RP1: variants seen among roughly 807,000 people sequenced by gnomAD.
RP1 encodes the protein oxygen-regulated protein 1.
In RP1, 16 loss-of-function variants were observed where a neutral mutation model predicts 14.8. The observed-to-expected ratio is 1.08, with a 90% CI of 0.73 to 1.65. The LOEUF (loss-of-function observed/expected upper bound fraction) is 1.65, where lower values mean the gene tolerates loss of function less well. Among genes scored for constraint, RP1 ranks in the 40% most tolerant of loss-of-function variants. The pLI is 0.00. For synonymous variants in RP1, 876 were observed against 883.6 expected (o/e 0.99, Z 0.15); for missense variants, 2,631 against 2,535.0 (o/e 1.04, Z -0.81).
intron 24 of RP1, among the ~76,000 whole-genome samples, chr8:54,828,948 G>A (rs1373205501): frequency 1.6e-5 from 2 of 128,424 alleles, no homozygotes; most frequent in African/African-American, 5.9e-5. Flanking sequence ...CTGGAGTGCA[G>A]TGGTGCGATC....
intron 22 of RP1, among the ~76,000 whole-genome samples, chr8:54,768,358 T>C (rs2129373578): frequency 6.6e-6 from 1 of 152,360 alleles, no homozygotes; most frequent in South Asian, 2.1e-4. Flanking sequence ...TCACCACACT[T>C]TGTTACATTT....
At chr8:54,866,643 T>C (rs1014423644) in intron 28 of RP1, among the ~76,000 whole-genome samples, 7 of 152,176 alleles carry the variant, frequency 4.6e-5, no homozygotes, top group African/African-American at 1.7e-4. Flanking sequence ...ATCCATTTGA[T>C]CAGTCATTAT....
At chr8:54,732,769 A>G (rs986098038) in intron 17 of RP1, among the ~76,000 whole-genome samples, 2 of 152,168 alleles carry the variant, frequency 1.3e-5, no homozygotes, top group African/African-American at 4.8e-5. Context: ...GTTCACATGT[A>G]ACACTGAGTT....
chr8:54,652,049 A>G (rs433324), intron 4 of RP1, among the ~76,000 whole-genome samples: 88,812 of 150,498 alleles, frequency 0.59, 27,349 homozygotes, highest in Middle Eastern at 0.77. Context: ...TCTCTCTCGC[A>G]CAGGCTGGAG....
At chr8:54,730,248 TTCTTAGTATATTCTCATTTCC>T (rs1429931218) in intron 17 of RP1, among the ~76,000 whole-genome samples, 1 of 152,128 alleles carries the variant, frequency 6.6e-6, no homozygotes, top group Non-Finnish European at 1.5e-5. Context: ...TTGTTGTTTT[TTCTTAGTATATTCTCATTTCC>T]TCTTAGTATA....
intron 6 of RP1, among the ~76,000 whole-genome samples, chr8:54,657,163 C>A (rs1013530542): frequency 6.6e-6 from 1 of 152,074 alleles, no homozygotes; most frequent in African/African-American, 2.4e-5. Context: ...GTATTTTTTT[C>A]ACCATTTAGA....
chr8:54,850,752 G>A (rs145945224), intron 25 of RP1, among the ~76,000 whole-genome samples: 1 of 152,202 alleles, frequency 6.6e-6, no homozygotes, highest in African/African-American at 2.4e-5. Flanking sequence ...TTATTGTTAT[G>A]AATTTAGCAT....
At chr8:54,641,594 G>A (rs1485957649) in intron 3 of RP1, among the ~76,000 whole-genome samples, 2 of 152,086 alleles carry the variant, frequency 1.3e-5, no homozygotes, top group Non-Finnish European at 2.9e-5. Flanking sequence ...AGTTTAGAGG[G>A]CCCCAAACCA....
At chr8:54,793,810 C>T (rs1243078475) in intron 24 of RP1, among the ~76,000 whole-genome samples, 1 of 151,790 alleles carries the variant, frequency 6.6e-6, no homozygotes, top group Non-Finnish European at 1.5e-5. Flanking sequence ...TAACATAGTA[C>T]TGGAAGTGCT....
chr8:54,621,379 C>T lies in RP1; in HGVS notation c.413C>T (p.Pro138Leu), dbSNP rs773983342. ...AGCCGGGCCATTAGCGCGCACTCACCGCCCCACCCCGTAGCCGTCGCTGCT... is the reference window on the plus strand; with the variant it reads ...AGCCGGGCCATTAGCGCGCACTCACTGCCCCACCCCGTAGCCGTCGCTGCT... Reference protein sequence around the residue: ...LSSRAISAHSPPHPVAVAAPG... With the variant: ...LSSRAISAHSLPHPVAVAAPG... Residue 138 changes from proline to leucine, a missense_variant, in exon 2 of 4, where the codon CCG becomes CTG. Coordinates refer to ENST00000220676, the MANE Select transcript of RP1 (RefSeq NM_006269.2). 1.9e-6 allele frequency: 3 copies of T among 1,612,804 alleles called. No homozygotes were observed. Among genetic ancestry groups the T allele is most frequent in the Admixed American group, 1.7e-5 (1 of 60,010 alleles).
chr8:54,603,939 C>T (rs1270214583), intron 1 of RP1, among the ~76,000 whole-genome samples: 4 of 152,192 alleles, frequency 2.6e-5, no homozygotes, highest in Non-Finnish European at 4.4e-5. Flanking sequence ...AGATTTGGGA[C>T]TGAGACGATG....
chr8:54,601,346 C>T (rs1293739355), intron 1 of RP1, among the ~76,000 whole-genome samples: 1 of 149,378 alleles, frequency 6.7e-6, no homozygotes, highest in East Asian at 2.0e-4. Context: ...ACCGCATATT[C>T]TCACTCATAG....
intron 5 of RP1, among the ~76,000 whole-genome samples, chr8:54,655,173 G>A (rs1425611343): frequency 2.6e-5 from 4 of 152,036 alleles, no homozygotes; most frequent in South Asian, 2.1e-4. Context: ...ATTCTTAAAC[G>A]TCAGAAAACA....
chr8:54,867,255 T>C (rs1467963086), intron 28 of RP1, among the ~76,000 whole-genome samples: 1 of 152,218 alleles, frequency 6.6e-6, no homozygotes, highest in Non-Finnish European at 1.5e-5. Flanking sequence ...TAATAAGGAG[T>C]TGAATTTTGT....
At chr8:54,587,309 C>T (rs1300560217) in intron 1 of RP1, among the ~76,000 whole-genome samples, 1 of 151,978 alleles carries the variant, frequency 6.6e-6, no homozygotes, top group African/African-American at 2.4e-5. Flanking sequence ...ACCTGTAATC[C>T]CAGCTACTCA....
rs557138724 is a variant in RP1 at position 54,744,990 on chromosome 8, C to T, written c.2808+5961C>T. Among the ~76,000 whole-genome samples the T allele has an allele frequency of 2.0e-5, 3 of 152,208 alleles. No individual in the cohort carries two copies. In the East Asian group the frequency reaches 5.8e-4, roughly 29 times the overall value. On this transcript the variant is annotated intron_variant, in intron 19 of 22. Transcript: ENST00000636932. Reference sequence around the variant, plus strand: ...ACTTTGGTACTAAAATAAACAATAGCACAGATTTGTACTCATATTCAGAAA... The same window carrying T: ...ACTTTGGTACTAAAATAAACAATAGTACAGATTTGTACTCATATTCAGAAA...
At chr8:54,789,917 C>G (rs766117916) in intron 24 of RP1, among the ~76,000 whole-genome samples, 3 of 152,160 alleles carry the variant, frequency 2.0e-5, no homozygotes, top group Non-Finnish European at 4.4e-5. Context: ...GCAGCTAACC[C>G]CAACTGCAGA....
intron 4 of RP1, among the ~76,000 whole-genome samples, chr8:54,649,608 G>GA (rs1451302856): frequency 6.6e-6 from 1 of 152,208 alleles, no homozygotes; most frequent in African/African-American, 2.4e-5. Flanking sequence ...ATGAAGCAGG[G>GA]AGACCAGTGC....
intron 1 of RP1, among the ~76,000 whole-genome samples, chr8:54,602,984 G>T (rs553857323): frequency 6.6e-6 from 1 of 152,208 alleles, no homozygotes; most frequent in East Asian, 1.9e-4. Flanking sequence ...CCATTCTGTA[G>T]GTTGCCTGTT....
Sources: gnomAD v4.1 joint callset for allele counts (sites outside exome capture counted in the v4.1 genomes callset) on GRCh38, gnomAD v4.1.1 for gene constraint, MANE v1.5 for transcripts, NCBI Gene and HGNC (gene_info 2026-07-23, HGNC 2026-07-21) for gene names.